POMP: variants seen among roughly 807,000 people sequenced by gnomAD.
The protein encoded by POMP is 2510048O06Rik.
POMP carries 12 observed loss-of-function variants against 20.6 expected under a neutral mutation model. The ratio of observed to expected loss-of-function variants is 0.58; its 90% CI spans 0.37 to 0.94. The LOEUF (loss-of-function observed/expected upper bound fraction) is 0.94. Among genes scored for constraint, POMP ranks in the 40% least tolerant of loss-of-function variants. The pLI is 0.01. For synonymous variants in POMP, 53 were observed against 55.0 expected (o/e 0.96, Z 0.16); for missense variants, 136 against 161.1 (o/e 0.84, Z 0.84).
rs948909075 is a variant in POMP, at chr13:28,664,568, AT to A, written c.162del (p.Phe55SerfsTer8). 6 of 1,489,212 alleles carry A rather than the reference AT, an allele frequency of 4.0e-6. No individual in the cohort carries two copies. The highest frequency in any genetic ancestry group is 1.7e-5 in the Admixed American group (1 of 59,238). 92.2% of individuals were successfully genotyped at this position (1,489,212 alleles called of 1,614,324 possible). A position where few individuals can be genotyped will look rare whatever the true frequency, so the allele number is the denominator to read the frequency against. ...CATCCCCTTGAATTATCAGAAAAAA[AT>A]GTAAGTATATTATTATGTCCTTATT... is the stretch of plus-strand genomic sequence containing the variant. The part of the protein sequence containing the change: ...PSHPLELSEK[N>X]FQLNQDKMNF... On this transcript the variant is annotated frameshift_variant and splice_region_variant, in exon 3 of 6. Transcript: ENST00000380842. LOFTEE classifies it high-confidence loss of function.
At chr13:28,673,293 A>G (rs1308574761) in intron 5 of POMP, among the ~76,000 whole-genome samples, 1 of 151,844 alleles carries the variant, frequency 6.6e-6, no homozygotes, top group Non-Finnish European at 1.5e-5. Context: ...CTGGTCTCGA[A>G]CTCCTGACCT....
intron 5 of POMP, among the ~76,000 whole-genome samples, chr13:28,673,496 G>A (rs553184560): frequency 3.9e-5 from 6 of 152,300 alleles, no homozygotes; most frequent in African/African-American, 1.4e-4. Flanking sequence ...GTCCAATGCT[G>A]CCTCTGCTCG....
intron 3 of POMP, among the ~76,000 whole-genome samples, chr13:28,667,971 C>T (rs1302622621): frequency 1.3e-5 from 2 of 152,116 alleles, no homozygotes; most frequent in Non-Finnish European, 2.9e-5. Context: ...TGTTTTTCCC[C>T]TGAGGCAAGT....
chr13:28,665,899 T>G (rs1396572588), intron 3 of POMP, among the ~76,000 whole-genome samples: 1 of 152,090 alleles, frequency 6.6e-6, no homozygotes, highest in South Asian at 2.1e-4. Flanking sequence ...GAACGGTGAT[T>G]AGGGAATAGT....
intron 4 of POMP, among the ~76,000 whole-genome samples, chr13:28,669,157 C>A (rs1002713442): frequency 1.3e-5 from 2 of 152,126 alleles, no homozygotes; most frequent in African/African-American, 4.8e-5. Context: ...TAACTTGTCT[C>A]TCATTGAGTG....
intron 4 of POMP, among the ~76,000 whole-genome samples, chr13:28,671,334 G>A (rs1025627427): frequency 1.3e-5 from 2 of 152,054 alleles, no homozygotes; most frequent in African/African-American, 4.8e-5. Context: ...GCACAAAATT[G>A]TTAGCTTCCC....
At position 28,668,493 on chromosome 13, in the gene POMP, A is replaced by G. The variant is rs1487025261; in HGVS notation, c.183A>G (p.Lys61=). The change falls in exon 4 of 6, where the codon AAA becomes AAG. Residue 61 remains lysine, a synonymous_variant. Coordinates refer to ENST00000380842, the MANE Select transcript of POMP (RefSeq NM_015932.6). ...TGTAGTTCCAGCTCAACCAAGATAA[A>G]ATGAATTTTTCCACACTGAGAAACA... ...SEKNFQLNQD[K]MNFSTLRNIQ... The G allele has an allele frequency of 5.0e-6, 8 of 1,610,264 alleles. No homozygotes were observed. In the South Asian group the frequency reaches 8.8e-5, roughly 18 times the overall value.
intron 3 of POMP, 28 bp downstream of exon 3, chr13:28,664,597 T>C: frequency 6.4e-6 from 8 of 1,250,052 alleles, no homozygotes; most frequent in Non-Finnish European, 9.2e-6. Context: ...TCCTTATTTT[T>C]ATCTTCTAAT....
At chr13:28,667,345 C>T (rs546903522) in intron 3 of POMP, among the ~76,000 whole-genome samples, 1 of 152,224 alleles carries the variant, frequency 6.6e-6, no homozygotes, top group East Asian at 1.9e-4. Context: ...GCTCTATAAT[C>T]GTGCCTGTGA....
intron 4 of POMP, 103 bp from the exon 5 acceptor site, chr13:28,672,236 C>A: frequency 1.0e-6 from 1 of 986,344 alleles, no homozygotes; most frequent in Non-Finnish European, 1.6e-6. Context: ...TTTGGTTTTG[C>A]GAATTTTCAA....
At chr13:28,668,713 T>G (rs748761541) in intron 4 of POMP, 139 bp downstream of exon 4, 20 of 713,030 alleles carry the variant, frequency 2.8e-5, no homozygotes, top group Middle Eastern at 2.4e-4. Flanking sequence ...GACCTTGATT[T>G]CTACTTCATA....
chr13:28,664,910 C>A, intron 3 of POMP, among the ~76,000 whole-genome samples: 1 of 152,160 alleles, frequency 6.6e-6, no homozygotes, highest in Non-Finnish European at 1.5e-5. Context: ...CTAGTTTTGA[C>A]CTCTTTAAGT....
In POMP at chr13:28,678,269, C is replaced by T. The variant is rs1884662516; in HGVS notation, c.*167C>T. On this transcript the variant is annotated 3_prime_UTR_variant, in exon 6 of 6. Coordinates refer to ENST00000380842, the MANE Select transcript of POMP (RefSeq NM_015932.6). ...GGGTCTTTGGTTTACAGCCATGTGA[C>T]AATTAAAAGCACTAAAGGGAGATCA... 1.5e-6 allele frequency: 1 copy of T among 676,514 alleles called. No individual in the cohort carries two copies. The highest frequency in any genetic ancestry group is 1.6e-5 in the South Asian group (1 of 62,926). 41.9% of individuals were successfully genotyped at this position (676,514 alleles called of 1,614,324 possible). A position where few individuals can be genotyped will look rare whatever the true frequency, so the allele number is the denominator to read the frequency against.
Position 28,664,494 on chromosome 13 carries a change from T to G in POMP, c.102-15T>G, listed in dbSNP as rs763946919. The G allele has an allele frequency of 6.5e-7, 1 of 1,545,658 alleles. No homozygotes were observed. The highest frequency in any genetic ancestry group is 2.3e-5 in the East Asian group (1 of 44,356). ...TTAATCTCCTCTAAATGTTTTTTTT[T>G]TAATGTCCTTTCAGTTTTTCTTGTG... is the stretch of plus-strand genomic sequence containing the variant. On this transcript the variant is annotated splice_polypyrimidine_tract_variant and intron_variant, in intron 2 of 5. Coordinates refer to ENST00000380842, the MANE Select transcript of POMP (RefSeq NM_015932.6).
chr13:28,677,584 T>A (rs1884650600), intron 5 of POMP, among the ~76,000 whole-genome samples: 1 of 152,206 alleles, frequency 6.6e-6, no homozygotes, highest in African/African-American at 2.4e-5. Flanking sequence ...AATTCTTACG[T>A]TTGTGTGGAT....
chr13:28,677,922 T>C, intron 5 of POMP, 113 bp from the exon 6 acceptor site: 1 of 1,124,316 alleles, frequency 8.9e-7, no homozygotes, highest in Non-Finnish European at 1.3e-6. Flanking sequence ...ACTGGTTTGT[T>C]TTCTATAACT....
chr13:28,671,818 A>AGTCATTTAGT (rs1427482341), intron 4 of POMP, among the ~76,000 whole-genome samples: 2 of 152,126 alleles, frequency 1.3e-5, no homozygotes, highest in African/African-American at 4.8e-5. Flanking sequence ...TTAAAATACT[A>AGTCATTTAGT]CTATCATTTA....
rs1884365995 is a variant in POMP, at chr13:28,662,609, G to C, written c.101+102G>C. On this transcript the variant is annotated intron_variant, in intron 2 of 5. Transcript: ENST00000380842. ...GCTATACATGTGTATTTAGTTGGCAGATGGCAAGTAATATACCTTACATGG... is the reference window on the plus strand; with the variant it reads ...GCTATACATGTGTATTTAGTTGGCACATGGCAAGTAATATACCTTACATGG... 9 of 969,892 alleles carry C rather than the reference G, an allele frequency of 9.3e-6. No individual in the cohort carries two copies. In the South Asian group the frequency reaches 1.2e-4, roughly 13 times the overall value. 60.1% of individuals were successfully genotyped at this position (969,892 alleles called of 1,614,324 possible).
intron 1 of POMP, 46 bp downstream of exon 1, chr13:28,659,233 C>A: frequency 6.4e-7 from 1 of 1,569,624 alleles, no homozygotes; most frequent in Admixed American, 1.9e-5. Flanking sequence ...GGCTCGGGAC[C>A]GTGGCTCGGC....
Sources: gnomAD v4.1 joint callset for allele counts (sites outside exome capture counted in the v4.1 genomes callset) on GRCh38, gnomAD v4.1.1 for gene constraint, MANE v1.5 for transcripts, NCBI Gene and HGNC (gene_info 2026-07-23, HGNC 2026-07-21) for gene names.